CDH12: variants seen among roughly 807,000 people sequenced by gnomAD.
CDH12 encodes cadherin-12.
Under a neutral mutation model 74.1 loss-of-function variants are expected in CDH12, and 41 were observed. The observed-to-expected ratio is 0.55, with a 90% CI of 0.43 to 0.72. CDH12 has a LOEUF of 0.72. Among genes scored for constraint, CDH12 ranks in the 30% least tolerant of loss-of-function variants. CDH12 has a pLI of 0.00. For missense variants in CDH12, 945 were observed against 977.2 expected, an observed-to-expected ratio of 0.97 and a Z score of 0.44; for synonymous variants, 399 against 355.0, an observed-to-expected ratio of 1.12 and a Z score of -1.39.
At chr5:21,774,959 G>A (rs114466116) in intron 11 of CDH12, among the ~76,000 whole-genome samples, 4,167 of 152,240 alleles carry the variant, frequency 0.027, 91 homozygotes, top group South Asian at 0.09. Flanking sequence ...GAGTTACTCA[G>A]GGAGCTTGTT....
intron 4 of CDH12, among the ~76,000 whole-genome samples, chr5:22,110,829 G>T (rs1035484334): frequency 6.6e-6 from 1 of 151,972 alleles, no homozygotes; most frequent in African/African-American, 2.4e-5. Context: ...TTACAAAGGC[G>T]GTTCAGTTTT....
intron 2 of CDH12, among the ~76,000 whole-genome samples, chr5:22,456,901 T>C (rs758673326): frequency 3.0e-4 from 45 of 152,060 alleles, no homozygotes; most frequent in Non-Finnish European, 6.3e-4. Context: ...CAGTTTTGAG[T>C]GTGCTTGGAG....
intron 1 of CDH12, among the ~76,000 whole-genome samples, chr5:22,681,042 T>A (rs1184672185): frequency 1.3e-5 from 2 of 152,052 alleles, no homozygotes; most frequent in Admixed American, 1.3e-4. Context: ...GGGCTATGCA[T>A]TCAAGTAGAA....
At chr5:22,695,361 G>A (rs1343913808) in intron 1 of CDH12, among the ~76,000 whole-genome samples, 1 of 152,108 alleles carries the variant, frequency 6.6e-6, no homozygotes, top group Non-Finnish European at 1.5e-5. Flanking sequence ...TATATACCCA[G>A]TATTGGGATT....
chr5:22,185,728 A>G (rs980656952), intron 4 of CDH12, among the ~76,000 whole-genome samples: 16 of 152,212 alleles, frequency 1.1e-4, no homozygotes, highest in Non-Finnish European at 2.4e-4. Flanking sequence ...TAAATTTTCT[A>G]TTGTGGTAGG....
chr5:22,510,724 T>C (rs1736566732), intron 1 of CDH12, among the ~76,000 whole-genome samples: 1 of 152,160 alleles, frequency 6.6e-6, no homozygotes, highest in Non-Finnish European at 1.5e-5. Flanking sequence ...TTATTTTTCA[T>C]TGTTATAATT....
intron 1 of CDH12, among the ~76,000 whole-genome samples, chr5:22,687,123 G>A (rs1298499064): frequency 2.0e-5 from 3 of 151,794 alleles, no homozygotes; most frequent in Admixed American, 6.6e-5. Flanking sequence ...GTGAAACCCC[G>A]TCTGTACTAA....
chr5:22,337,252 G>A (rs116706981), intron 3 of CDH12, among the ~76,000 whole-genome samples: 6,069 of 152,206 alleles, frequency 0.04, 396 homozygotes, highest in African/African-American at 0.14. Flanking sequence ...GAAGGGACAC[G>A]CCTTGTCTAG....
At chr5:21,752,797 GAGGA>G (rs1031394293) in intron 14 of CDH12, among the ~76,000 whole-genome samples, 9 of 151,820 alleles carry the variant, frequency 5.9e-5, no homozygotes, top group Non-Finnish European at 1.0e-4. Flanking sequence ...AAAGGAAGTA[GAGGA>G]AGGAAGGAAG....
chr5:21,962,211 C>A (rs1756390581), intron 6 of CDH12, among the ~76,000 whole-genome samples: 1 of 151,888 alleles, frequency 6.6e-6, no homozygotes. Flanking sequence ...CCTTTTGAGA[C>A]TTCATTTGTG....
chr5:21,942,111 G>A (rs1443715484), intron 6 of CDH12, among the ~76,000 whole-genome samples: 2 of 152,152 alleles, frequency 1.3e-5, no homozygotes, highest in East Asian at 3.9e-4. Flanking sequence ...GAAGGAGATG[G>A]GAGATGTGTC....
intron 4 of CDH12, among the ~76,000 whole-genome samples, chr5:22,201,342 C>T (rs1750914203): frequency 6.6e-6 from 1 of 152,094 alleles, no homozygotes; most frequent in African/African-American, 2.4e-5. Flanking sequence ...ACTATTCACA[C>T]ATAAACAAGA....
At chr5:22,007,715 C>T (rs1387744798) in intron 5 of CDH12, among the ~76,000 whole-genome samples, 1 of 152,168 alleles carries the variant, frequency 6.6e-6, no homozygotes, top group African/African-American at 2.4e-5. Flanking sequence ...ACCTTCTCCC[C>T]ATGGTTTCCC....
intron 1 of CDH12, among the ~76,000 whole-genome samples, chr5:22,610,637 A>G (rs1425920071): frequency 3.3e-5 from 5 of 152,072 alleles, no homozygotes; most frequent in African/African-American, 1.2e-4. Context: ...TCTCATTTTT[A>G]TAATTGTATT....
intron 2 of CDH12, among the ~76,000 whole-genome samples, chr5:22,454,109 C>T (rs1322797607): frequency 1.3e-5 from 2 of 152,014 alleles, no homozygotes; most frequent in African/African-American, 4.8e-5. Context: ...CTGAATTTTC[C>T]TTCTCTCTCA....
intron 2 of CDH12, among the ~76,000 whole-genome samples, chr5:22,482,140 C>T (rs538702551): frequency 7.2e-5 from 11 of 152,082 alleles, no homozygotes; most frequent in Non-Finnish European, 1.3e-4. Context: ...AACCCATGAA[C>T]GTTAAAATGA....
intron 4 of CDH12, among the ~76,000 whole-genome samples, chr5:22,103,356 C>T (rs142000304): frequency 6.6e-6 from 1 of 152,232 alleles, no homozygotes; most frequent in East Asian, 1.9e-4. Context: ...ATGCAGTTAG[C>T]TTTCATTCTT....
chr5:21,918,494 C>A (rs1754203276), intron 6 of CDH12, among the ~76,000 whole-genome samples: 1 of 151,962 alleles, frequency 6.6e-6, no homozygotes, highest in South Asian at 2.1e-4. Context: ...CAGTTCAGCA[C>A]AGTTGGGGAG....
chr5:22,403,159 G>T (rs1742803808), intron 3 of CDH12, among the ~76,000 whole-genome samples: 1 of 152,124 alleles, frequency 6.6e-6, no homozygotes. Flanking sequence ...CTGGTAAGTA[G>T]ATTTCAGATT....
Sources: allele counts gnomAD v4.1 joint callset (sites outside exome capture counted in the v4.1 genomes callset), GRCh38; gene constraint gnomAD v4.1.1; transcripts MANE v1.5; gene names NCBI Gene and HGNC (gene_info 2026-07-23, HGNC 2026-07-21).